The following SHC3 variants were observed in gnomAD, a reference collection of about 807,000 sequenced individuals.
SHC3 encodes SHC adaptor protein 3.
SHC3 carries 15 observed loss-of-function variants against 60.4 expected under a neutral mutation model. The observed-to-expected ratio is 0.25, with a 90% CI of 0.17 to 0.38. The LOEUF is 0.38. SHC3 is among the 10% of genes least tolerant of loss of function. The probability of loss-of-function intolerance (pLI) is 1.00; values close to 1 mark genes in which losing one functional copy is unlikely to be tolerated. For synonymous variants in SHC3, 294 were observed against 325.9 expected, an observed-to-expected ratio of 0.90 and a Z score of 1.05; for missense variants, 677 against 786.1, an observed-to-expected ratio of 0.86 and a Z score of 1.66.
At chr9:89,094,431 C>A (rs1277208515) in intron 2 of SHC3, among the ~76,000 whole-genome samples, 1 of 152,022 alleles carries the variant, frequency 6.6e-6, no homozygotes, top group East Asian at 1.9e-4. Flanking sequence ...AAGGCAGGGG[C>A]CCAAGAAACA....
At chr9:89,131,996 A>G (rs1564168050) in intron 1 of SHC3, among the ~76,000 whole-genome samples, 1 of 152,218 alleles carries the variant, frequency 6.6e-6, no homozygotes, top group Non-Finnish European at 1.5e-5. Context: ...ACGTGATTGT[A>G]TATTTAGAAA....
intron 11 of SHC3, among the ~76,000 whole-genome samples, chr9:89,029,757 G>T (rs1312517415): frequency 1.3e-5 from 2 of 152,104 alleles, no homozygotes; most frequent in African/African-American, 2.4e-5. Flanking sequence ...AAACATAGCT[G>T]TCTTCTCTCA....
At chr9:89,044,175 T>C (rs1174114770) in intron 9 of SHC3, among the ~76,000 whole-genome samples, 1 of 152,256 alleles carries the variant, frequency 6.6e-6, no homozygotes, top group Non-Finnish European at 1.5e-5. Flanking sequence ...GCAGTTATTA[T>C]ATGTCTATGC....
Position 89,008,537 on chromosome 9 carries a change from C to G in SHC3, c.*4910G>C, listed in dbSNP as rs954761610. On this transcript the variant is annotated 3_prime_UTR_variant, in exon 12 of 12. Coordinates refer to ENST00000375835, the MANE Select transcript of SHC3 (RefSeq NM_016848.6). ...GGGGCCAGGGGGGTGGAAGGGCCTG[C>G]AATCTTTGTCTGAACCAGCTCACAG... 1 of 152,216 alleles carries G rather than the reference C, an allele frequency of 6.6e-6. No homozygotes were observed. The highest frequency in any genetic ancestry group is 2.4e-5 in the African/African-American group (1 of 41,456). The allele number at this position is 152,216 out of a possible 1,614,324, so 9.4% of individuals were successfully genotyped here.
In SHC3 at chr9:89,079,118, T is replaced by A. The variant is rs923354045; in HGVS notation, c.546-1215A>T. Among the ~76,000 whole-genome samples the A allele has an allele frequency of 6.6e-5, 10 of 152,330 alleles. No homozygotes were observed. The East Asian group carries it at 1.9e-3, about 29-fold the overall frequency. Reference sequence around the variant, plus strand: ...CAGATGCCAGGAAAACCGTAGGCAATGAATCATCATGACATGGAAAAAGTG... The same window carrying A: ...CAGATGCCAGGAAAACCGTAGGCAAAGAATCATCATGACATGGAAAAAGTG... On this transcript the variant is annotated intron_variant, in intron 2 of 11. Coordinates refer to ENST00000375835, the MANE Select transcript of SHC3 (RefSeq NM_016848.6).
chr9:89,042,009 G>A lies in SHC3; in HGVS notation c.1360+17C>T, dbSNP rs748874251. ...AACCTCAAAAGAAAAGAAAACCAGA[G>A]ACAAACAGAAACCCACTCATGTCAA... On this transcript the variant is annotated intron_variant, in intron 10 of 11. Coordinates refer to ENST00000375835, the MANE Select transcript of SHC3 (RefSeq NM_016848.6). 1 of 1,613,540 alleles carries A rather than the reference G, an allele frequency of 6.2e-7. No individual in the cohort carries two copies. The highest frequency in any genetic ancestry group is 1.1e-5 in the South Asian group (1 of 90,980).
At chr9:89,130,403 C>T (rs1038028553) in intron 1 of SHC3, among the ~76,000 whole-genome samples, 2 of 152,184 alleles carry the variant, frequency 1.3e-5, no homozygotes, top group Non-Finnish European at 2.9e-5. Context: ...CTCAGCTCTG[C>T]ACCAAGTGGA....
intron 1 of SHC3, among the ~76,000 whole-genome samples, chr9:89,125,415 G>A (rs1826150101): frequency 6.6e-6 from 1 of 151,908 alleles, no homozygotes; most frequent in Non-Finnish European, 1.5e-5. Context: ...AGTGATGGTG[G>A]TGTCTACTTC....
At chr9:89,151,295 C>G (rs1826542627) in intron 1 of SHC3, among the ~76,000 whole-genome samples, 1 of 152,096 alleles carries the variant, frequency 6.6e-6, no homozygotes, top group Non-Finnish European at 1.5e-5. Context: ...ATGTTAGTGT[C>G]CCCCCAAAAT....
intron 1 of SHC3, among the ~76,000 whole-genome samples, chr9:89,148,915 C>T (rs536623188): frequency 2.6e-5 from 4 of 152,278 alleles, no homozygotes; most frequent in South Asian, 2.1e-4. Context: ...TGTATTTCTG[C>T]GTTCTGCTTT....
chr9:89,023,461 A>G (rs565511576), intron 11 of SHC3, among the ~76,000 whole-genome samples: 1 of 152,294 alleles, frequency 6.6e-6, no homozygotes, highest in South Asian at 2.1e-4. Context: ...GTTAAGAAAT[A>G]TGCAGCATAT....
intron 4 of SHC3, among the ~76,000 whole-genome samples, chr9:89,072,078 C>T (rs1825283255): frequency 6.6e-6 from 1 of 152,206 alleles, no homozygotes; most frequent in Non-Finnish European, 1.5e-5. Flanking sequence ...ATTAAGTATA[C>T]TCTTATGTAT....
intron 11 of SHC3, among the ~76,000 whole-genome samples, chr9:89,013,811 C>T (rs1025961658): frequency 1.3e-5 from 2 of 152,120 alleles, no homozygotes; most frequent in Admixed American, 1.3e-4. Context: ...GCCCAGGCCC[C>T]TAGGACTCAG....
At position 89,094,338 on chromosome 9, in the gene SHC3, C is replaced by A. The variant is rs140094230; in HGVS notation, c.546-16435G>T. Among the ~76,000 whole-genome samples the A allele has an allele frequency of 1.9e-3, 288 of 152,170 alleles. 4 individuals are homozygous for A. Among genetic ancestry groups the A allele is most frequent in the African/African-American group, 6.5e-3 (269 of 41,538 alleles). On this transcript the variant is annotated intron_variant, in intron 2 of 11. Coordinates refer to ENST00000375835, the MANE Select transcript of SHC3 (RefSeq NM_016848.6). ...AGCCCTGGTCAGGGAAGAAGAGTTG[C>A]CCACGTTCTCAGGGGATGAATGTGA...
chr9:89,052,100 GCT>G lies in SHC3; in HGVS notation c.897_898del (p.Gln299HisfsTer3). On this transcript the variant is annotated frameshift_variant, in exon 7 of 12. Transcript: ENST00000375835. LOFTEE classifies it high-confidence loss of function. ...ATATTGCTTAAACCGGAGCTCAAAG[GCT>G]TGTCCGATGGAGCCGATGACATCCT... 1 of 1,614,096 alleles carries G rather than the reference GCT, an allele frequency of 6.2e-7. No homozygotes were observed. The highest frequency in any genetic ancestry group is 8.5e-7 in the Non-Finnish European group (1 of 1,180,004).
chr9:89,096,194 C>G (rs188226062), intron 2 of SHC3, among the ~76,000 whole-genome samples: 2 of 152,138 alleles, frequency 1.3e-5, no homozygotes, highest in African/African-American at 4.8e-5. Flanking sequence ...TTTAACCAAA[C>G]ATGTTAAAAT....
At chr9:89,116,075 G>A (rs114408529) in intron 1 of SHC3, among the ~76,000 whole-genome samples, 8 of 152,174 alleles carry the variant, frequency 5.3e-5, no homozygotes, top group East Asian at 1.9e-4. Context: ...TACCACCATC[G>A]ATGTTGCAAA....
At chr9:89,127,025 G>A (rs751375125) in intron 1 of SHC3, among the ~76,000 whole-genome samples, 5 of 152,304 alleles carry the variant, frequency 3.3e-5, no homozygotes, top group Middle Eastern at 3.4e-3. Context: ...GTCTTAAGCA[G>A]TTAAAAGCCT....
intron 1 of SHC3, among the ~76,000 whole-genome samples, chr9:89,169,842 C>G (rs910536836): frequency 2.0e-5 from 3 of 152,122 alleles, no homozygotes; most frequent in African/African-American, 7.2e-5. Flanking sequence ...TTAAAATCCT[C>G]ATAATAAATG....
Sources: gnomAD v4.1 joint callset for allele counts (sites outside exome capture counted in the v4.1 genomes callset) on GRCh38, gnomAD v4.1.1 for gene constraint, MANE v1.5 for transcripts, NCBI Gene and HGNC (gene_info 2026-07-23, HGNC 2026-07-21) for gene names.